Variants in MYEF2 observed in about 807,000 individuals in gnomAD.
MYEF2 encodes myelin expression factor 2, also known as myelin gene expression factor 2.
A neutral mutation model predicts 75.2 loss-of-function variants in MYEF2; 37 were observed. The observed-to-expected ratio is 0.49, with a 90% CI of 0.38 to 0.65. MYEF2 has a LOEUF of 0.65. Ranked by LOEUF, MYEF2 falls within the 30% of genes least tolerant of loss-of-function variation. The pLI, the probability that MYEF2 is intolerant of heterozygous loss-of-function variation, is 0.00. For synonymous variants in MYEF2, 195 were observed against 241.6 expected (o/e 0.81, Z 1.79); for missense variants, 634 against 771.4 (o/e 0.82, Z 2.11).
At position 48,136,737 on chromosome 15, in the gene MYEF2, T is replaced by G. The variant is rs1452631209; in HGVS notation, c.*6171A>C. On this transcript the variant is annotated 3_prime_UTR_variant, in exon 17 of 17. Transcript: ENST00000324324. ...ATGGATTGTATGTTTTGGTGCTGTGTTTTGACATTAAAATTAACCAATATA... is the reference window on the plus strand; with the variant it reads ...ATGGATTGTATGTTTTGGTGCTGTGGTTTGACATTAAAATTAACCAATATA... 1.2e-6 allele frequency: 2 copies of G among 1,613,618 alleles called. No homozygotes were observed. Among genetic ancestry groups the G allele is most frequent in the Admixed American group, 3.3e-5 (2 of 59,948 alleles).
chr15:48,167,322 A>G, intron 3 of MYEF2, 27 bp downstream of exon 3: 1 of 1,610,352 alleles, frequency 6.2e-7, no homozygotes, highest in Non-Finnish European at 8.5e-7. Flanking sequence ...TTTAAACCTC[A>G]AGCAGATTAT....
At chr15:48,151,804 A>T in intron 12 of MYEF2, 70 bp downstream of exon 12, 1 of 1,532,518 alleles carries the variant, frequency 6.5e-7, no homozygotes, top group Non-Finnish European at 9.0e-7. Flanking sequence ...TTCCTAAGTT[A>T]TAGGGGGGAA....
intron 12 of MYEF2, 149 bp from the exon 13 acceptor site, chr15:48,151,720 T>TG: frequency 8.8e-7 from 1 of 1,134,574 alleles, no homozygotes; most frequent in Admixed American, 1.9e-5. Flanking sequence ...ATGCCACACA[T>TG]ATCATCCCCA....
intron 1 of MYEF2, among the ~76,000 whole-genome samples, chr15:48,176,220 A>T (rs969355492): frequency 1.7e-5 from 2 of 120,120 alleles, no homozygotes; most frequent in East Asian, 2.5e-4. Flanking sequence ...TTCACGAAGT[A>T]AAAAAAAAAA....
At chr15:48,157,300 T>A (rs2039736974) in intron 9 of MYEF2, 1 of 152,102 alleles carries the variant, frequency 6.6e-6, no homozygotes, top group African/African-American at 2.4e-5. Flanking sequence ...AGACACATAA[T>A]ACAATAAGTA....
intron 2 of MYEF2, among the ~76,000 whole-genome samples, chr15:48,168,006 G>C (rs959758210): frequency 6.6e-6 from 1 of 151,924 alleles, no homozygotes; most frequent in African/African-American, 2.4e-5. Flanking sequence ...CAGGACTGTT[G>C]AAACTCAATT....
chr15:48,178,273 T>A lies in MYEF2; in HGVS notation c.-36A>T. On this transcript the variant is annotated 5_prime_UTR_variant, in exon 1 of 17. Coordinates refer to ENST00000324324, the MANE Select transcript of MYEF2 (RefSeq NM_016132.5). Reference sequence around the variant, plus strand: ...CTGCCTCCGCCTCGGCCGCCTGAGCTGAGGGGCTCCGAGCGCGACAATGGC... The same window carrying A: ...CTGCCTCCGCCTCGGCCGCCTGAGCAGAGGGGCTCCGAGCGCGACAATGGC... 6 of 1,368,392 alleles carry A rather than the reference T, an allele frequency of 4.4e-6. No homozygotes were observed. The highest frequency in any genetic ancestry group is 5.6e-6 in the Non-Finnish European group (6 of 1,064,954). The allele number at this position is 1,368,392 out of a possible 1,614,324, so 84.8% of individuals were successfully genotyped here.
At chr15:48,167,213 T>C in intron 3 of MYEF2, 136 bp downstream of exon 3, 1 of 807,944 alleles carries the variant, frequency 1.2e-6, no homozygotes, top group Non-Finnish European at 2.0e-6. Flanking sequence ...CTTGCTGGTA[T>C]AGAGCCTCAA....
intron 9 of MYEF2, among the ~76,000 whole-genome samples, chr15:48,154,384 T>C (rs986808161): frequency 6.6e-6 from 1 of 152,148 alleles, no homozygotes; most frequent in Non-Finnish European, 1.5e-5. Context: ...TATAAATATT[T>C]ATTTATATTT....
At chr15:48,152,012 T>C (rs924305373) in intron 11 of MYEF2, 70 bp from the exon 12 acceptor site, 1 of 1,484,738 alleles carries the variant, frequency 6.7e-7, no homozygotes, top group Non-Finnish European at 9.4e-7. Flanking sequence ...TTTGTAAATG[T>C]TAAATCTCAC....
chr15:48,156,153 T>TTTA (rs1421892795), intron 9 of MYEF2, among the ~76,000 whole-genome samples: 1 of 152,124 alleles, frequency 6.6e-6, no homozygotes, highest in East Asian at 1.9e-4. Flanking sequence ...ATGTACTAAC[T>TTTA]TTATAGTCAT....
chr15:48,157,992 C>T lies in MYEF2; in HGVS notation c.985+1G>A, dbSNP rs2039767580. On this transcript the variant is annotated splice_donor_variant, in intron 9 of 16. Transcript: ENST00000324324. LOFTEE classifies it high-confidence loss of function. ...TGTTTCTCATAATAGCTTTTACTTA[C>T]GTGGTAATTGTGGTGTTTTACCATC... 9 of 1,612,700 alleles carry T rather than the reference C, an allele frequency of 5.6e-6. No homozygotes were observed. The highest frequency in any genetic ancestry group is 7.6e-6 in the Non-Finnish European group (9 of 1,179,200).
rs2038869488 is a variant in MYEF2, at chr15:48,135,292, C to T, written c.*7616G>A. 1 of 212,888 alleles carries T rather than the reference C, an allele frequency of 4.7e-6. No individual in the cohort carries two copies. The highest frequency in any genetic ancestry group is 5.3e-5 in the Admixed American group (1 of 19,000). The allele number at this position is 212,888 out of a possible 1,614,324, so 13.2% of individuals were successfully genotyped here. A position where few individuals can be genotyped will look rare whatever the true frequency, so the allele number is the denominator to read the frequency against. Reference sequence around the variant, plus strand: ...CAACTCCTGTTGTCCATTAAAGCCACAACAGTTGACTTTTTCTTCTGCTGG... The same window carrying T: ...CAACTCCTGTTGTCCATTAAAGCCATAACAGTTGACTTTTTCTTCTGCTGG... On this transcript the variant is annotated 3_prime_UTR_variant, in exon 17 of 17. Coordinates refer to ENST00000324324, the MANE Select transcript of MYEF2 (RefSeq NM_016132.5).
rs1224079705 is a variant in MYEF2 at position 48,159,481 on chromosome 15, G to A, written c.717+132C>T. On this transcript the variant is annotated intron_variant, in intron 6 of 16. Transcript: ENST00000324324. ...ATGTATATACGTCAATTGATTTTGA[G>A]TTTACAATAATTACTATTTCACTTA... The A allele has an allele frequency of 8.1e-6, 6 of 737,310 alleles. No individual in the cohort carries two copies. In the Admixed American group the frequency reaches 1.7e-4, roughly 21 times the overall value. 45.7% of individuals were successfully genotyped at this position (737,310 alleles called of 1,614,324 possible).
intron 9 of MYEF2, among the ~76,000 whole-genome samples, chr15:48,156,699 T>G (rs573151714): frequency 6.6e-6 from 1 of 151,026 alleles, no homozygotes; most frequent in African/African-American, 2.4e-5. Context: ...AACAGAAAAA[T>G]GTATAAAATG....
At position 48,142,046 on chromosome 15, in the gene MYEF2, A is replaced by G; in HGVS notation, c.*862T>C. On this transcript the variant is annotated 3_prime_UTR_variant, in exon 17 of 17. Coordinates refer to ENST00000324324, the MANE Select transcript of MYEF2 (RefSeq NM_016132.5). ...TTTTGTAGGGAAAGGAGATATGGCT[A>G]TGTCTAACATCGTGGGATCCAATGT... The G allele has an allele frequency of 6.2e-7, 1 of 1,611,296 alleles. No homozygotes were observed. Among genetic ancestry groups the G allele is most frequent in the East Asian group, 2.2e-5 (1 of 44,764 alleles).
rs1177683152 is a variant in MYEF2 at position 48,140,633 on chromosome 15, C to T, written c.*2275G>A. On this transcript the variant is annotated 3_prime_UTR_variant, in exon 17 of 17. Transcript: ENST00000324324. The stretch of plus-strand genomic sequence containing the variant: ...TCCCCCTCCCCCGCCCTGCCAAAGC[C>T]CACTAAATTAAGGTATATCACTAAA... 6.6e-6 allele frequency: 1 copy of T among 152,052 alleles called. No individual in the cohort carries two copies. Among genetic ancestry groups the T allele is most frequent in the Non-Finnish European group, 1.5e-5 (1 of 68,074 alleles). 9.4% of individuals were successfully genotyped at this position (152,052 alleles called of 1,614,324 possible). A position where few individuals can be genotyped will look rare whatever the true frequency, so the allele number is the denominator to read the frequency against.
At position 48,149,694 on chromosome 15, in the gene MYEF2, T is replaced by G. The variant is rs1028208501; in HGVS notation, c.1379-323A>C. On this transcript the variant is annotated intron_variant, in intron 14 of 16. Transcript: ENST00000324324. This position sits in a 1 kb window ranked among gnomAD's most constrained non-coding sequence, Gnocchi z 4.0. ...TAAATATATCATATAAATATATAAA[T>G]CCTCTACCAATCACTGCTTCCAATA... 1 of 165,796 alleles carries G rather than the reference T, an allele frequency of 6.0e-6. No individual in the cohort carries two copies. Among genetic ancestry groups the G allele is most frequent in the African/African-American group, 2.4e-5 (1 of 41,754 alleles). 10.3% of individuals were successfully genotyped at this position (165,796 alleles called of 1,614,324 possible).
chr15:48,142,247 T>G lies in MYEF2; in HGVS notation c.*661A>C, dbSNP rs774104310. The G allele has an allele frequency of 6.2e-7, 1 of 1,613,716 alleles. No individual in the cohort carries two copies. Among genetic ancestry groups the G allele is most frequent in the Non-Finnish European group, 8.5e-7 (1 of 1,179,762 alleles). On this transcript the variant is annotated 3_prime_UTR_variant, in exon 17 of 17. Transcript: ENST00000324324. ...CAATGGCTGGAAACTAGACAGAAAGTTGGGAATAGTCTGCCTATTATCATA... is the reference window on the plus strand; with the variant it reads ...CAATGGCTGGAAACTAGACAGAAAGGTGGGAATAGTCTGCCTATTATCATA...
Sources: gnomAD v4.1 joint callset for allele counts (sites outside exome capture counted in the v4.1 genomes callset) on GRCh38, gnomAD v4.1.1 for gene constraint, Gnocchi (gnomAD v3.1) non-coding constraint, MANE v1.5 for transcripts, NCBI Gene and HGNC (gene_info 2026-07-23, HGNC 2026-07-21) for gene names.